The following FBXL17 variants were observed in gnomAD, a reference collection of about 807,000 sequenced individuals.
FBXL17 encodes the protein F-box and leucine rich repeat protein 17, also known as F-box/LRR-repeat protein 17.
A neutral mutation model predicts 66.2 loss-of-function variants in FBXL17; 22 were observed. That is an observed-to-expected ratio of 0.33 (90% confidence interval 0.24 to 0.47). The LOEUF is 0.47. FBXL17 is among the 20% of genes least tolerant of loss of function. The probability of loss-of-function intolerance (pLI) is 1.00; values close to 1 mark genes in which losing one functional copy is unlikely to be tolerated. For missense variants in FBXL17, 878 were observed against 948.2 expected (o/e 0.93, Z 0.97); for synonymous variants, 474 against 400.5 (o/e 1.18, Z -2.19).
At chr5:108,287,795 A>G (rs1011313498) in intron 4 of FBXL17, among the ~76,000 whole-genome samples, 2 of 151,966 alleles carry the variant, frequency 1.3e-5, no homozygotes, top group African/African-American at 2.4e-5. Context: ...AAGTCATTCT[A>G]CCCTACAGAC....
intron 6 of FBXL17, among the ~76,000 whole-genome samples, chr5:108,028,945 C>T (rs183220119): frequency 9.1e-4 from 139 of 152,122 alleles, no homozygotes; most frequent in Middle Eastern, 3.4e-3. Context: ...GCAATGAAGA[C>T]GGTACCTAAT....
chr5:108,126,660 T>TAC (rs1228068705), intron 6 of FBXL17, among the ~76,000 whole-genome samples: 21 of 116,452 alleles, frequency 1.8e-4, no homozygotes, highest in African/African-American at 6.1e-4. Context: ...TCTATATATA[T>TAC]ATACATATAT....
intron 6 of FBXL17, among the ~76,000 whole-genome samples, chr5:108,082,247 T>A (rs745518316): frequency 3.3e-5 from 5 of 151,726 alleles, no homozygotes; most frequent in Non-Finnish European, 5.9e-5. Context: ...TGCTGTAATG[T>A]GGAAAGAGCA....
At chr5:108,216,037 T>C (rs557208019) in intron 5 of FBXL17, among the ~76,000 whole-genome samples, 284 of 152,332 alleles carry the variant, frequency 1.9e-3, no homozygotes, top group Non-Finnish European at 3.2e-3. Context: ...CGCTCGATCC[T>C]TTTCCATTGA....
chr5:108,139,470 A>T (rs992661064), intron 6 of FBXL17, among the ~76,000 whole-genome samples: 1 of 152,156 alleles, frequency 6.6e-6, no homozygotes, highest in South Asian at 2.1e-4. Context: ...CTGCTGGAGG[A>T]AATACAACAA....
In FBXL17 at chr5:107,947,488, G is replaced by C. The variant is rs539407506; in HGVS notation, c.1823-66309C>G. The stretch of plus-strand genomic sequence containing the variant: ...TGACCTTGACCATGTGTTGCTAACT[G>C]TCATTGGAGTATCCACTGTAAGCTC... On this transcript the variant is annotated intron_variant, in intron 7 of 8. Coordinates refer to ENST00000542267, the MANE Select transcript of FBXL17 (RefSeq NM_001163315.3). 2.4e-4 allele frequency among the ~76,000 whole-genome samples: 37 copies of C among 152,318 alleles called. No homozygotes were observed. The South Asian group carries it at 6.8e-3, about 28-fold the overall frequency.
At chr5:108,090,181 C>G (rs1044728494) in intron 6 of FBXL17, among the ~76,000 whole-genome samples, 3 of 152,168 alleles carry the variant, frequency 2.0e-5, no homozygotes, top group African/African-American at 7.2e-5. Flanking sequence ...TAATTAGTAA[C>G]ATGTATCATC....
At chr5:108,222,160 T>C (rs13187816) in intron 5 of FBXL17, among the ~76,000 whole-genome samples, 48,756 of 152,098 alleles carry the variant, frequency 0.32, 8,039 homozygotes, top group South Asian at 0.42. Context: ...ATAATTGTGA[T>C]CTTTTAAGTA....
At chr5:108,104,351 C>T (rs286814) in intron 6 of FBXL17, among the ~76,000 whole-genome samples, 100,059 of 152,076 alleles carry the variant, frequency 0.66, 33,808 homozygotes, top group East Asian at 0.92. Context: ...AAACAAATAT[C>T]AATTTTACAT....
At chr5:107,882,980 T>G (rs1748840284) in intron 7 of FBXL17, among the ~76,000 whole-genome samples, 1 of 152,200 alleles carries the variant, frequency 6.6e-6, no homozygotes, top group South Asian at 2.1e-4. Flanking sequence ...AGCTATTGAT[T>G]CTGGGTGGTA....
chr5:108,073,827 CCTT>C (rs202221200), intron 6 of FBXL17, among the ~76,000 whole-genome samples: 2,315 of 152,314 alleles, frequency 0.015, 29 homozygotes, highest in Non-Finnish European at 0.024. Context: ...TCCCTTTCCA[CCTT>C]CTGCCATGAT....
intron 7 of FBXL17, among the ~76,000 whole-genome samples, chr5:107,929,244 G>C (rs1289897455): frequency 6.6e-6 from 1 of 152,082 alleles, no homozygotes; most frequent in Non-Finnish European, 1.5e-5. Flanking sequence ...GTGGGATGGA[G>C]GATATGGAGC....
intron 6 of FBXL17, among the ~76,000 whole-genome samples, chr5:108,093,326 G>A (rs1749255589): frequency 6.7e-6 from 1 of 150,278 alleles, no homozygotes; most frequent in Non-Finnish European, 1.5e-5. Flanking sequence ...ATGTTCCCCT[G>A]GAACTACTGC....
intron 4 of FBXL17, among the ~76,000 whole-genome samples, chr5:108,300,093 A>G (rs1269953743): frequency 6.6e-6 from 1 of 152,088 alleles, no homozygotes; most frequent in Non-Finnish European, 1.5e-5. Flanking sequence ...TTTTGTTAAC[A>G]TTTTAGAATA....
chr5:108,292,746 T>C (rs1758166981), intron 4 of FBXL17, among the ~76,000 whole-genome samples: 1 of 152,156 alleles, frequency 6.6e-6, no homozygotes, highest in Non-Finnish European at 1.5e-5. Flanking sequence ...TCCTAAATAA[T>C]ATTTAATTGG....
chr5:108,038,820 C>T (rs1050695728), intron 6 of FBXL17, among the ~76,000 whole-genome samples: 1 of 152,024 alleles, frequency 6.6e-6, no homozygotes, highest in East Asian at 1.9e-4. Context: ...GGTTTCTACA[C>T]TTAAATTGCT....
chr5:108,170,852 A>G (rs967364840), intron 6 of FBXL17, among the ~76,000 whole-genome samples: 7 of 152,140 alleles, frequency 4.6e-5, no homozygotes, highest in African/African-American at 1.7e-4. Context: ...CTTTTTATCA[A>G]AAGACGTAGA....
chr5:107,990,096 TC>T (rs1462651355), intron 7 of FBXL17, among the ~76,000 whole-genome samples: 1 of 152,206 alleles, frequency 6.6e-6, no homozygotes, highest in Non-Finnish European at 1.5e-5. Context: ...TAAGAGCTTT[TC>T]TTTATCTACT....
intron 6 of FBXL17, among the ~76,000 whole-genome samples, chr5:108,127,248 A>G (rs1178779178): frequency 6.6e-6 from 1 of 152,158 alleles, no homozygotes; most frequent in African/African-American, 2.4e-5. Context: ...TCCTCACTAT[A>G]GTAGAAATTA....
Sources: allele counts gnomAD v4.1 joint callset (sites outside exome capture counted in the v4.1 genomes callset), GRCh38; gene constraint gnomAD v4.1.1; transcripts MANE v1.5; gene names NCBI Gene and HGNC (gene_info 2026-07-23, HGNC 2026-07-21).